The following RAD1 variants were observed in gnomAD, a reference collection of about 807,000 sequenced individuals.
The protein encoded by RAD1 is RAD1 checkpoint DNA exonuclease.
Under a neutral mutation model 30.0 loss-of-function variants are expected in RAD1, and 21 were observed. The observed-to-expected ratio is 0.70, with a 90% CI of 0.50 to 1.01. RAD1 has a LOEUF of 1.01. RAD1 is among the 50% of genes least tolerant of loss of function. The pLI is 0.00. For synonymous variants in RAD1, 109 were observed against 113.6 expected, an observed-to-expected ratio of 0.96 and a Z score of 0.26; for missense variants, 329 against 329.0, an observed-to-expected ratio of 1.00 and a Z score of 0.00.
rs1341040694 is a variant in RAD1 at position 34,905,393 on chromosome 5, CT to C, written c.*3371del. 1 of 152,160 alleles carries C rather than the reference CT, an allele frequency of 6.6e-6. No individual in the cohort carries two copies. The highest frequency in any genetic ancestry group is 2.4e-5 in the African/African-American group (1 of 41,422). 9.4% of individuals were successfully genotyped at this position (152,160 alleles called of 1,614,324 possible). A position where few individuals can be genotyped will look rare whatever the true frequency, so the allele number is the denominator to read the frequency against. ...ACTGTTGAGAGTGCCACATTCTGCC[CT>C]TTTAGCAATTTTAATTAATTTTTAC... On this transcript the variant is annotated 3_prime_UTR_variant, in exon 6 of 6. Coordinates refer to ENST00000382038, the MANE Select transcript of RAD1 (RefSeq NM_002853.4).
Position 34,907,298 on chromosome 5 carries a change from T to G in RAD1, c.*1467A>C, listed in dbSNP as rs1015155359. 2.0e-5 allele frequency: 3 copies of G among 151,872 alleles called. No homozygotes were observed. Among genetic ancestry groups the G allele is most frequent in the African/African-American group, 7.3e-5 (3 of 41,340 alleles). The allele number at this position is 151,872 out of a possible 1,614,324, so 9.4% of individuals were successfully genotyped here. On this transcript the variant is annotated 3_prime_UTR_variant, in exon 6 of 6. Transcript: ENST00000382038. ...TTGGCACACTTTTATTTGGGGGAGG[T>G]GGGGTGGTCACAATGACTAGCATCA...
At chr5:34,914,606 A>T in intron 2 of RAD1, 89 bp downstream of exon 2, 1 of 1,209,632 alleles carries the variant, frequency 8.3e-7, no homozygotes, top group Non-Finnish European at 1.2e-6. Flanking sequence ...TATGACTATT[A>T]AGTTATTTTG....
At chr5:34,910,526 C>T (rs1456470881) in intron 4 of RAD1, among the ~76,000 whole-genome samples, 1 of 151,802 alleles carries the variant, frequency 6.6e-6, no homozygotes, top group East Asian at 1.9e-4. Context: ...TTCCTGGGTT[C>T]AAGTGATTCT....
rs1057313678 is a variant in RAD1 at position 34,915,487 on chromosome 5, A to C, written c.-141T>G. 9.7e-5 allele frequency: 41 copies of C among 423,932 alleles called. No homozygotes were observed. The highest frequency in any genetic ancestry group is 6.5e-4 in the Middle Eastern group (1 of 1,546). The allele number at this position is 423,932 out of a possible 1,614,324, so 26.3% of individuals were successfully genotyped here. ...CCTGAAGAGGAGCGAGGCGGCTCCG[A>C]GGAACCGCGGAGGAAGTGAAGCCAG... On this transcript the variant is annotated 5_prime_UTR_variant, in exon 1 of 6. Transcript: ENST00000382038.
chr5:34,912,030 C>T (rs1324822454), intron 3 of RAD1, among the ~76,000 whole-genome samples: 2 of 152,174 alleles, frequency 1.3e-5, no homozygotes, highest in Non-Finnish European at 2.9e-5. Context: ...CAAAATGTAA[C>T]ATAATTCTTT....
In RAD1 at chr5:34,908,885, AAT is replaced by A. The variant is rs772523973; in HGVS notation, c.727_728del (p.Ile243SerfsTer4). ...AAAGGAAGCCTCTGTTATCTGTCCG[AAT>A]AGATACCTTACAAGATAGGACTAAT... ...KALVLSCKVS[I>X]RTDNRGFLSL... On this transcript the variant is annotated frameshift_variant, in exon 6 of 6. Transcript: ENST00000382038. LOFTEE classifies it high-confidence loss of function. The A allele has an allele frequency of 1.2e-6, 2 of 1,612,998 alleles. No homozygotes were observed. Among genetic ancestry groups the A allele is most frequent in the Non-Finnish European group, 1.7e-6 (2 of 1,179,242 alleles).
intron 4 of RAD1, among the ~76,000 whole-genome samples, chr5:34,910,432 CTTTTTTTT>C (rs566311796): frequency 7.0e-6 from 1 of 143,812 alleles, no homozygotes; most frequent in African/African-American, 2.5e-5. Context: ...TTTTTCTTTT[CTTTTTTTT>C]TTTTTGAGAC....
In RAD1 at chr5:34,914,862, C is replaced by T. The variant is rs201116972; in HGVS notation, c.31G>A (p.Glu11Lys). The change falls in exon 2 of 6, where the codon GAG becomes AAG. Residue 11 changes from glutamate (E) to lysine (K), a missense_variant. Transcript: ENST00000382038. MPLLTQQIQDEDDQYSLVASL... is the reference protein window; with the variant it reads MPLLTQQIQDKDDQYSLVASL... ...GCCACAAGGCTGTACTGATCATCCTCGTCTTGGATCTGTTGGGTCAGAAGG... is the reference window on the plus strand; with the variant it reads ...GCCACAAGGCTGTACTGATCATCCTTGTCTTGGATCTGTTGGGTCAGAAGG... The T allele has an allele frequency of 4.3e-5, 69 of 1,614,100 alleles. No individual in the cohort carries two copies. Among genetic ancestry groups the T allele is most frequent in the Middle Eastern group, 3.3e-4 (2 of 6,062 alleles).
intron 4 of RAD1, 147 bp downstream of exon 4, chr5:34,911,407 T>C: frequency 1.0e-6 from 1 of 984,794 alleles, no homozygotes; most frequent in Non-Finnish European, 1.5e-6. Flanking sequence ...TCTTGATCCA[T>C]AAAATTATGA....
Position 34,914,970 on chromosome 5 carries a change from AT to A in RAD1, c.-69-10del. ...GGCGGATCGCCAAACACCTGAAGGG[AT>A]TAGACAGTAAAACTCCCATCAGTGC... On this transcript the variant is annotated splice_polypyrimidine_tract_variant and intron_variant, in intron 1 of 5. Coordinates refer to ENST00000382038, the MANE Select transcript of RAD1 (RefSeq NM_002853.4). 6.6e-7 allele frequency: 1 copy of A among 1,505,668 alleles called. No homozygotes were observed. The highest frequency in any genetic ancestry group is 9.1e-7 in the Non-Finnish European group (1 of 1,097,844). The allele number at this position is 1,505,668 out of a possible 1,614,324, so 93.3% of individuals were successfully genotyped here. A position where few individuals can be genotyped will look rare whatever the true frequency, so the allele number is the denominator to read the frequency against.
rs1424633081 is a variant in RAD1, at chr5:34,908,044, C to A, written c.*721G>T. The A allele has an allele frequency of 6.6e-6, 1 of 152,174 alleles. No homozygotes were observed. Among genetic ancestry groups the A allele is most frequent in the Non-Finnish European group, 1.5e-5 (1 of 68,042 alleles). 9.4% of individuals were successfully genotyped at this position (152,174 alleles called of 1,614,324 possible). Reference sequence around the variant, plus strand: ...TGGTGCGGGCACAACACTTTGAGAACCACTACTTTAAGATCTAGTCTCTAG... The same window carrying A: ...TGGTGCGGGCACAACACTTTGAGAAACACTACTTTAAGATCTAGTCTCTAG... On this transcript the variant is annotated 3_prime_UTR_variant, in exon 6 of 6. Coordinates refer to ENST00000382038, the MANE Select transcript of RAD1 (RefSeq NM_002853.4).
intron 4 of RAD1, among the ~76,000 whole-genome samples, chr5:34,911,348 C>A (rs1763832448): frequency 6.6e-6 from 1 of 152,088 alleles, no homozygotes; most frequent in South Asian, 2.1e-4. Context: ...CTAGATGCCA[C>A]CACCACCTAA....
chr5:34,905,675 TTAAATA>T lies in RAD1; in HGVS notation c.*3084_*3089del, dbSNP rs1296412028. On this transcript the variant is annotated 3_prime_UTR_variant, in exon 6 of 6. Coordinates refer to ENST00000382038, the MANE Select transcript of RAD1 (RefSeq NM_002853.4). ...TTCAAAAAGACAGAACTAAAAGTCT[TTAAATA>T]TAAGACTGTATTCTTCTATATACTA... The T allele has an allele frequency of 6.6e-6, 1 of 152,174 alleles. No homozygotes were observed. Among genetic ancestry groups the T allele is most frequent in the Non-Finnish European group, 1.5e-5 (1 of 68,028 alleles). The allele number at this position is 152,174 out of a possible 1,614,324, so 9.4% of individuals were successfully genotyped here. A position where few individuals can be genotyped will look rare whatever the true frequency, so the allele number is the denominator to read the frequency against.
intron 4 of RAD1, among the ~76,000 whole-genome samples, 192 bp from the exon 5 acceptor site, chr5:34,909,548 T>A (rs1763764286): frequency 6.6e-6 from 1 of 152,202 alleles, no homozygotes; most frequent in African/African-American, 2.4e-5. Context: ...AATCAATGGG[T>A]TTGAAGAAAA....
chr5:34,911,466 T>A lies in RAD1; in HGVS notation c.566+88A>T, dbSNP rs191281501. 1.2e-4 allele frequency: 176 copies of A among 1,465,902 alleles called. 1 individual carries two copies. In the African/African-American group the frequency reaches 2.1e-3, roughly 18 times the overall value. The allele number at this position is 1,465,902 out of a possible 1,614,324, so 90.8% of individuals were successfully genotyped here. A position where few individuals can be genotyped will look rare whatever the true frequency, so the allele number is the denominator to read the frequency against. On this transcript the variant is annotated intron_variant, in intron 4 of 5. Transcript: ENST00000382038. ...GTTGTGAAAACTCTAAAAATGTGGATAATAAAAATTTTGCATCCTAAGCAA... is the reference window on the plus strand; with the variant it reads ...GTTGTGAAAACTCTAAAAATGTGGAAAATAAAAATTTTGCATCCTAAGCAA...
At position 34,907,645 on chromosome 5, in the gene RAD1, G is replaced by A. The variant is rs1050144009; in HGVS notation, c.*1120C>T. On this transcript the variant is annotated 3_prime_UTR_variant, in exon 6 of 6. Transcript: ENST00000382038. ...TTGTCAAGAAACTCATAAGCAAATG[G>A]AAAGTAGTAAGTACTGATTGCAGTT... 7 of 152,188 alleles carry A rather than the reference G, an allele frequency of 4.6e-5. No individual in the cohort carries two copies. Among genetic ancestry groups the A allele is most frequent in the Non-Finnish European group, 7.3e-5 (5 of 68,034 alleles). 9.4% of individuals were successfully genotyped at this position (152,188 alleles called of 1,614,324 possible).
rs770443997 is a variant in RAD1 at position 34,911,784 on chromosome 5, G to A, written c.336C>T (p.Tyr112=). 3.7e-6 allele frequency: 6 copies of A among 1,614,014 alleles called. No homozygotes were observed. The highest frequency in any genetic ancestry group is 5.1e-6 in the Non-Finnish European group (6 of 1,180,034). The part of the protein sequence containing the change: ...PGTLTALRMC[Y]QGYGYPLMLF... ...GCATCAAAGGGTAACCATAACCTTG[G>A]TAACACATTCGAAGTGCAGTTAAAG... Residue 112 remains tyrosine (Y), a synonymous_variant, in exon 4 of 6, where the codon TAC becomes TAT. Coordinates refer to ENST00000382038, the MANE Select transcript of RAD1 (RefSeq NM_002853.4).
At position 34,914,814 on chromosome 5, in the gene RAD1, G is replaced by A; in HGVS notation, c.79C>T (p.Leu27Phe). ...TGAATAGCTTTCAAGATAGTGGAGA[G>A]ATTCCTAACGTTGTCAAGGCTGGCC... ...LVASLDNVRN[L>F]STILKAIHFR... The change falls in exon 2 of 6, where the codon CTC becomes TTC. Residue 27 changes from leucine to phenylalanine, a missense_variant. Transcript: ENST00000382038. 1.1e-5 allele frequency: 18 copies of A among 1,614,222 alleles called. No individual in the cohort carries two copies. The highest frequency in any genetic ancestry group is 1.4e-5 in the Non-Finnish European group (17 of 1,180,028).
At position 34,907,919 on chromosome 5, in the gene RAD1, A is replaced by C. The variant is rs1763702934; in HGVS notation, c.*846T>G. The stretch of plus-strand genomic sequence containing the variant: ...TTCCTTTAAAACAGTGGTTCCCAAA[A>C]TTTAGCAGGCATCAGAATCTCCTGA... On this transcript the variant is annotated 3_prime_UTR_variant, in exon 6 of 6. Transcript: ENST00000382038. 6.6e-6 allele frequency: 1 copy of C among 152,186 alleles called. No individual in the cohort carries two copies. The highest frequency in any genetic ancestry group is 2.4e-5 in the African/African-American group (1 of 41,458). The allele number at this position is 152,186 out of a possible 1,614,324, so 9.4% of individuals were successfully genotyped here.
Sources: allele counts gnomAD v4.1 joint callset (sites outside exome capture counted in the v4.1 genomes callset), GRCh38; gene constraint gnomAD v4.1.1; transcripts MANE v1.5; gene names NCBI Gene and HGNC (gene_info 2026-07-23, HGNC 2026-07-21).